EPSTI1: variants seen among roughly 807,000 people sequenced by gnomAD.
The protein encoded by EPSTI1 is epithelial-stromal interaction protein 1.
Under a neutral mutation model 49.9 loss-of-function variants are expected in EPSTI1, and 66 were observed. The ratio of observed to expected loss-of-function variants is 1.32; its 90% CI spans 1.08 to 1.62. The LOEUF is 1.62. Among genes scored for constraint, EPSTI1 ranks in the 40% most tolerant of loss-of-function variants. The pLI is 0.00. For missense variants in EPSTI1, 394 were observed against 365.5 expected, an observed-to-expected ratio of 1.08 and a Z score of -0.64; for synonymous variants, 137 against 130.7, an observed-to-expected ratio of 1.05 and a Z score of -0.33.
At chr13:42,909,920 T>C (rs2037615515) in intron 8 of EPSTI1, among the ~76,000 whole-genome samples, 1 of 152,182 alleles carries the variant, frequency 6.6e-6, no homozygotes, top group Non-Finnish European at 1.5e-5. Context: ...TGATCATTTA[T>C]TATATTCTTG....
chr13:42,978,880 T>C (rs1208953533), intron 1 of EPSTI1, among the ~76,000 whole-genome samples: 1 of 152,242 alleles, frequency 6.6e-6, no homozygotes, highest in Non-Finnish European at 1.5e-5. Flanking sequence ...TGCTGCATCT[T>C]CTTTCATAAA....
rs749207420 is a variant in EPSTI1 at position 42,888,423 on chromosome 13, C to T, written c.*71G>A. On this transcript the variant is annotated 3_prime_UTR_variant, in exon 11 of 11. Coordinates refer to ENST00000313624, the MANE Select transcript of EPSTI1 (RefSeq NM_033255.5). ...AAAACAGTGAGGCTGAACAAAATCACATTAAGAAAAAGCATCTCATGAGGC... is the reference window on the plus strand; with the variant it reads ...AAAACAGTGAGGCTGAACAAAATCATATTAAGAAAAAGCATCTCATGAGGC... The T allele has an allele frequency of 1.9e-5, 31 of 1,613,924 alleles. No individual in the cohort carries two copies. The highest frequency in any genetic ancestry group is 2.1e-5 in the Non-Finnish European group (25 of 1,180,002).
rs1291111653 is a variant in EPSTI1 at position 42,966,680 on chromosome 13, C to CGGGA, written c.331+2410_331+2413dup. Among the ~76,000 whole-genome samples, 69 of 81,522 alleles carry CGGGA rather than the reference C, an allele frequency of 8.5e-4. 20 individuals carry two copies. Among genetic ancestry groups the CGGGA allele is most frequent in the Non-Finnish European group, 1.9e-4 (7 of 36,284 alleles). 53.5% of individuals were successfully genotyped at this position (81,522 alleles called of 152,430 possible). ...GTCTCCGCCCGGCAGCCACCCCGGC[C>CGGGA]GGGAGGGAGGTGGGGGGGTCAGCCC... is the stretch of plus-strand genomic sequence containing the variant. On this transcript the variant is annotated intron_variant, in intron 3 of 10. Coordinates refer to ENST00000313624, the MANE Select transcript of EPSTI1 (RefSeq NM_033255.5).
chr13:42,925,791 C>T (rs142372742), intron 7 of EPSTI1, among the ~76,000 whole-genome samples: 1 of 152,300 alleles, frequency 6.6e-6, no homozygotes, highest in Non-Finnish European at 1.5e-5. Flanking sequence ...TAAGCTTCTG[C>T]TCTGGTGTCA....
intron 6 of EPSTI1, among the ~76,000 whole-genome samples, chr13:42,946,476 T>TCA (rs2038921134): frequency 6.6e-6 from 1 of 151,890 alleles, no homozygotes; most frequent in Non-Finnish European, 1.5e-5. Flanking sequence ...CCAGGAGAGG[T>TCA]CACAAAAGCC....
At position 42,992,077 on chromosome 13, in the gene EPSTI1, C is replaced by A. The variant is rs756608760; in HGVS notation, c.89G>T (p.Arg30Leu). ...TTCCACGGGGCTCAGCTCCCCTTGC[C>A]GCCCAGAAGGGTCCTGGGGATCCCG... is the stretch of plus-strand genomic sequence containing the variant. ...PTRDPQDPSG[R>L]QGELSPVEDQ... The change falls in exon 1 of 11, where the codon CGG becomes CTG. Residue 30 changes from arginine to leucine, a missense_variant. Physicochemically the swap from Arg to Leu is moderately radical, Grantham distance 102. Coordinates refer to ENST00000313624, the MANE Select transcript of EPSTI1 (RefSeq NM_033255.5). The A allele has an allele frequency of 6.2e-7, 1 of 1,613,318 alleles. No homozygotes were observed. The highest frequency in any genetic ancestry group is 1.1e-5 in the South Asian group (1 of 91,076).
chr13:42,969,260 A>T (rs554601730), intron 2 of EPSTI1, 83 bp from the exon 3 acceptor site: 1 of 1,317,956 alleles, frequency 7.6e-7, no homozygotes, highest in African/African-American at 1.5e-5. Context: ...AGAAACAACT[A>T]TTAGAAGGCA....
chr13:42,906,372 G>C (rs2153413970), intron 8 of EPSTI1, among the ~76,000 whole-genome samples: 1 of 152,348 alleles, frequency 6.6e-6, no homozygotes, highest in Middle Eastern at 3.4e-3. Flanking sequence ...AATTGAAGAT[G>C]AACATGGGGT....
chr13:42,942,737 A>G (rs943814666), intron 6 of EPSTI1, among the ~76,000 whole-genome samples: 11 of 134,636 alleles, frequency 8.2e-5, no homozygotes, highest in South Asian at 2.3e-4. Context: ...GCCGGACTGC[A>G]GACTGCAGTG....
intron 1 of EPSTI1, among the ~76,000 whole-genome samples, chr13:42,974,009 T>C (rs1270450001): frequency 6.6e-6 from 1 of 152,244 alleles, no homozygotes; most frequent in African/African-American, 2.4e-5. Flanking sequence ...AATGTTTTTC[T>C]GCACCATAAG....
intron 3 of EPSTI1, among the ~76,000 whole-genome samples, chr13:42,967,757 A>G (rs1421313301): frequency 6.6e-6 from 1 of 152,206 alleles, no homozygotes; most frequent in Non-Finnish European, 1.5e-5. Context: ...ACGAGCAGTC[A>G]GTGTAAACCT....
intron 6 of EPSTI1, among the ~76,000 whole-genome samples, chr13:42,944,356 C>A (rs2153426366): frequency 6.6e-6 from 1 of 152,266 alleles, no homozygotes; most frequent in African/African-American, 2.4e-5. Context: ...AGGATGAGTT[C>A]ATGTCCTTTG....
At chr13:42,924,283 G>A (rs376888926) in intron 7 of EPSTI1, among the ~76,000 whole-genome samples, 16 of 152,318 alleles carry the variant, frequency 1.1e-4, no homozygotes, top group African/African-American at 3.1e-4. Context: ...ATAAGGAACC[G>A]TCCTGGGTCC....
Position 42,922,841 on chromosome 13 carries a change from GC to G in EPSTI1, c.657+3494del, listed in dbSNP as rs1257696815. Among the ~76,000 whole-genome samples, 1 of 152,150 alleles carries G rather than the reference GC, an allele frequency of 6.6e-6. No homozygotes were observed. The highest frequency in any genetic ancestry group is 1.9e-4 in the East Asian group (1 of 5,190). On this transcript the variant is annotated intron_variant, in intron 7 of 10. Transcript: ENST00000313624. This position sits in a 1 kb window ranked among gnomAD's most constrained non-coding sequence, Gnocchi z 4.8. The stretch of plus-strand genomic sequence containing the variant: ...GGAGAGGCATGAGCTATAGAGCTTG[GC>G]CCCTCAGACATTAACGTGCACACAC...
chr13:42,894,889 C>T, intron 10 of EPSTI1, 120 bp downstream of exon 10: 1 of 830,784 alleles, frequency 1.2e-6, no homozygotes, highest in South Asian at 1.7e-5. Flanking sequence ...ATCACACTGC[C>T]AAACAGCACA....
intron 3 of EPSTI1, among the ~76,000 whole-genome samples, chr13:42,967,610 G>A (rs2039656062): frequency 6.6e-6 from 1 of 152,186 alleles, no homozygotes; most frequent in Admixed American, 6.5e-5. Context: ...ACCCTAAAAG[G>A]AGTCTACCAA....
chr13:42,931,227 C>A (rs2038357291), intron 6 of EPSTI1, among the ~76,000 whole-genome samples: 3 of 142,020 alleles, frequency 2.1e-5, no homozygotes, highest in East Asian at 2.1e-4. Flanking sequence ...GAGACGGAGT[C>A]TCGCTCTGTC....
At position 42,895,075 on chromosome 13, in the gene EPSTI1, G is replaced by A. The variant is rs1359184; in HGVS notation, c.849C>T (p.Gly283=). The change falls in exon 10 of 11, where the codon GGC becomes GGT. Residue 283 remains glycine, a synonymous_variant. Coordinates refer to ENST00000313624, the MANE Select transcript of EPSTI1 (RefSeq NM_033255.5). ...GCTCGAGGCCACCTGGTTGACTTTT[G>A]CCTTGGAGTCGGTCCAGAAAAGCAT... ...VNNAFLDRLQ[G]KSQPGGLEQS... 0.36 allele frequency: 579,995 copies of A among 1,607,406 alleles called. 109,085 individuals carry two copies. Among genetic ancestry groups the A allele is most frequent in the East Asian group, 0.6 (26,990 of 44,754 alleles).
At position 42,969,686 on chromosome 13, in the gene EPSTI1, G is replaced by A. The variant is rs560485009; in HGVS notation, c.248-509C>T. ...GTGGAGACCCTTGCTCTGGTTTCAG[G>A]CACTCCAGACCACTGTGCAGAGTCG... On this transcript the variant is annotated intron_variant, in intron 2 of 10. Coordinates refer to ENST00000313624, the MANE Select transcript of EPSTI1 (RefSeq NM_033255.5). The A allele has an allele frequency of 5.0e-5, 8 of 160,626 alleles. No homozygotes were observed. The South Asian group carries it at 1.3e-3, about 27-fold the overall frequency. 10.0% of individuals were successfully genotyped at this position (160,626 alleles called of 1,614,324 possible). A position where few individuals can be genotyped will look rare whatever the true frequency, so the allele number is the denominator to read the frequency against.
Sources: gnomAD v4.1 joint callset for allele counts (sites outside exome capture counted in the v4.1 genomes callset) on GRCh38, gnomAD v4.1.1 for gene constraint, Gnocchi (gnomAD v3.1) non-coding constraint, MANE v1.5 for transcripts, NCBI Gene and HGNC (gene_info 2026-07-23, HGNC 2026-07-21) for gene names.